Variants in CAMK2G observed in about 807,000 individuals in gnomAD.
CAMK2G encodes the protein calcium/calmodulin-dependent protein kinase type II subunit gamma.
In CAMK2G, 23 loss-of-function variants were observed where a neutral mutation model predicts 88.7. The ratio of observed to expected loss-of-function variants is 0.26; its 90% CI spans 0.19 to 0.37. The LOEUF is 0.37. Ranked by LOEUF, CAMK2G falls within the 10% of genes least tolerant of loss-of-function variation. CAMK2G has a pLI of 1.00. For synonymous variants in CAMK2G, 263 were observed against 294.8 expected, an observed-to-expected ratio of 0.89 and a Z score of 1.11; for missense variants, 476 against 780.8, an observed-to-expected ratio of 0.61 and a Z score of 4.65.
intron 14 of CAMK2G, among the ~76,000 whole-genome samples, chr10:73,834,197 C>T (rs184264886): frequency 1.8e-3 from 270 of 151,966 alleles, no homozygotes; most frequent in African/African-American, 6.2e-3. Context: ...GGATTACAGG[C>T]GTGAGCCACC....
intron 2 of CAMK2G, among the ~76,000 whole-genome samples, chr10:73,861,253 C>G (rs1220376072): frequency 1.3e-5 from 2 of 152,330 alleles, no homozygotes; most frequent in East Asian, 1.9e-4. Flanking sequence ...TTGCACACTT[C>G]GAGCCAGTGA....
rs2093364009 is a variant in CAMK2G, at chr10:73,837,531, T to TA, written c.1010-21dup. Reference sequence around the variant, plus strand: ...TGGCAGCTGTGAAAACAAAGAGGAATATCAAGTCTCCTGCATTGTACCCTC... The same window carrying TA: ...TGGCAGCTGTGAAAACAAAGAGGAATAATCAAGTCTCCTGCATTGTACCCTC... On this transcript the variant is annotated intron_variant, in intron 13 of 22. Coordinates refer to ENST00000423381, the MANE Select transcript of CAMK2G (RefSeq NM_001367534.1). 5.6e-6 allele frequency: 9 copies of TA among 1,606,250 alleles called. No individual in the cohort carries two copies. The highest frequency in any genetic ancestry group is 7.7e-6 in the Non-Finnish European group (9 of 1,172,960).
In CAMK2G at chr10:73,814,475, T is replaced by C. The variant is rs1304239970; in HGVS notation, c.*43A>G. 3 of 153,916 alleles carry C rather than the reference T, an allele frequency of 1.9e-5. No individual in the cohort carries two copies. The highest frequency in any genetic ancestry group is 7.2e-5 in the African/African-American group (3 of 41,380). The allele number at this position is 153,916 out of a possible 1,614,324, so 9.5% of individuals were successfully genotyped here. On this transcript the variant is annotated 3_prime_UTR_variant, in exon 23 of 23. Coordinates refer to ENST00000423381, the MANE Select transcript of CAMK2G (RefSeq NM_001367534.1). ...CCTCCAGAGCCACTGGCTGCGAAGG[T>C]TGGACCTCCGGCTGGAATCTCCTAA...
At chr10:73,824,194 G>C (rs2090137946) in intron 16 of CAMK2G, 110 bp from the exon 17 acceptor site, 2 of 757,212 alleles carry the variant, frequency 2.6e-6, no homozygotes, top group Admixed American at 4.0e-5. Flanking sequence ...GATGACCACT[G>C]AGGCCTGCCC....
At position 73,832,967 on chromosome 10, in the gene CAMK2G, C is replaced by CT. The variant is rs755852421; in HGVS notation, c.1053+4500dup. Among the ~76,000 whole-genome samples, 368 of 96,234 alleles carry CT rather than the reference C, an allele frequency of 3.8e-3. 1 individual carries two copies. Among genetic ancestry groups the CT allele is most frequent in the Middle Eastern group, 0.017 (4 of 238 alleles). 63.1% of individuals were successfully genotyped at this position (96,234 alleles called of 152,430 possible). A position where few individuals can be genotyped will look rare whatever the true frequency, so the allele number is the denominator to read the frequency against. On this transcript the variant is annotated intron_variant, in intron 14 of 22. Transcript: ENST00000423381. ...CTCCAATCTTTTTTTTCTTCTCTCTCTTTTTTTTTTTTTTTTAAACAGAGC... is the reference window on the plus strand; with the variant it reads ...CTCCAATCTTTTTTTTCTTCTCTCTCTTTTTTTTTTTTTTTTTAAACAGAGC...
chr10:73,871,917 A>G (rs1013733861), intron 2 of CAMK2G, among the ~76,000 whole-genome samples: 7 of 152,138 alleles, frequency 4.6e-5, no homozygotes, highest in Non-Finnish European at 8.8e-5. Context: ...TGGGACATCT[A>G]TTATGTCTCT....
At position 73,842,838 on chromosome 10, in the gene CAMK2G, C is replaced by A. The variant is rs1487392778; in HGVS notation, c.820-297G>T. Among the ~76,000 whole-genome samples, 1 of 152,142 alleles carries A rather than the reference C, an allele frequency of 6.6e-6. No homozygotes were observed. Among genetic ancestry groups the A allele is most frequent in the Non-Finnish European group, 1.5e-5 (1 of 68,014 alleles). ...AGAGGCTACCGAACAGGAGAGTACCCTGGGGGCTGTGATCCTCATTCAGTC... is the reference window on the plus strand; with the variant it reads ...AGAGGCTACCGAACAGGAGAGTACCATGGGGGCTGTGATCCTCATTCAGTC... On this transcript the variant is annotated intron_variant, in intron 10 of 22. Transcript: ENST00000423381. This position sits in a 1 kb window ranked among gnomAD's most constrained non-coding sequence, Gnocchi z 4.6.
intron 19 of CAMK2G, 164 bp from the exon 20 acceptor site, chr10:73,817,718 C>T (rs907697616): frequency 1.3e-5 from 8 of 621,426 alleles, no homozygotes; most frequent in Middle Eastern, 3.7e-4. Flanking sequence ...CCTTCCCTCC[C>T]GTCTCCCTCT....
intron 16 of CAMK2G, among the ~76,000 whole-genome samples, chr10:73,824,456 C>T (rs2090231070): frequency 6.6e-6 from 1 of 152,202 alleles, no homozygotes; most frequent in African/African-American, 2.4e-5. Flanking sequence ...CCGGGCCCCG[C>T]CCACAGCGTT....
chr10:73,818,635 G>T, intron 19 of CAMK2G: 4 of 451,332 alleles, frequency 8.9e-6, no homozygotes, highest in South Asian at 6.2e-5. Context: ...CCAGGAGGGG[G>T]CCCCACAGCC....
At chr10:73,816,024 C>G in intron 21 of CAMK2G, 1 of 985,256 alleles carries the variant, frequency 1.0e-6, no homozygotes, top group Non-Finnish European at 1.2e-6. Flanking sequence ...ATATATGTAG[C>G]TGAGATGTGA....
intron 14 of CAMK2G, among the ~76,000 whole-genome samples, chr10:73,832,585 G>A (rs1364431087): frequency 1.3e-5 from 2 of 152,024 alleles, no homozygotes; most frequent in South Asian, 2.1e-4. Context: ...GATTACAGGC[G>A]TGAGCCACCG....
Position 73,842,076 on chromosome 10 carries a change from G to T in CAMK2G, c.946+93C>A, listed in dbSNP as rs868269876. Reference sequence around the variant, plus strand: ...CCCTGGTCAAGGTGTGGCCCAGGACGCCGAGGAAACCCAGCGGTGCCCGGG... The same window carrying T: ...CCCTGGTCAAGGTGTGGCCCAGGACTCCGAGGAAACCCAGCGGTGCCCGGG... On this transcript the variant is annotated intron_variant, in intron 12 of 22. Coordinates refer to ENST00000423381, the MANE Select transcript of CAMK2G (RefSeq NM_001367534.1). This position sits in a 1 kb window ranked among gnomAD's most constrained non-coding sequence, Gnocchi z 4.6. The T allele has an allele frequency of 2.1e-6, 2 of 972,158 alleles. No individual in the cohort carries two copies. Among genetic ancestry groups the T allele is most frequent in the Non-Finnish European group, 1.7e-6 (1 of 595,734 alleles). 60.2% of individuals were successfully genotyped at this position (972,158 alleles called of 1,614,324 possible). A position where few individuals can be genotyped will look rare whatever the true frequency, so the allele number is the denominator to read the frequency against.
At chr10:73,817,662 T>C (rs2086143869) in intron 19 of CAMK2G, 108 bp from the exon 20 acceptor site, 1 of 747,656 alleles carries the variant, frequency 1.3e-6, no homozygotes. Context: ...GACAAAGACA[T>C]CCCTCTTCTC....
chr10:73,816,846 T>TC, intron 21 of CAMK2G, 177 bp downstream of exon 21: 3 of 1,581,162 alleles, frequency 1.9e-6, no homozygotes, highest in Non-Finnish European at 2.6e-6. Context: ...AGCAGGGCCT[T>TC]CAAAGGTGCC....
intron 15 of CAMK2G, among the ~76,000 whole-genome samples, chr10:73,827,185 C>T (rs968511243): frequency 6.6e-6 from 1 of 152,216 alleles, no homozygotes; most frequent in African/African-American, 2.4e-5. Flanking sequence ...GTGGCCCCAC[C>T]TCTGGTTTAT....
intron 14 of CAMK2G, among the ~76,000 whole-genome samples, chr10:73,833,455 CACTA>C (rs1460435728): frequency 2.0e-5 from 3 of 152,168 alleles, no homozygotes; most frequent in African/African-American, 4.8e-5. Context: ...TCACTACCAT[CACTA>C]ACTAGAGTCC....
chr10:73,825,356 A>G lies in CAMK2G; in HGVS notation c.1087-9T>C, dbSNP rs1477077469. The G allele has an allele frequency of 6.2e-7, 1 of 1,612,016 alleles. No homozygotes were observed. The stretch of plus-strand genomic sequence containing the variant: ...TTGTTGTTGCTCTGTGGCTGAGACA[A>G]GAAAACAGATGGTTTAGTTCCTCCA... On this transcript the variant is annotated splice_polypyrimidine_tract_variant and intron_variant, in intron 15 of 22. Transcript: ENST00000423381.
rs1458257825 is a variant in CAMK2G at position 73,820,490 on chromosome 10, A to ATTTTT, written c.1250-846_1250-845insAAAAA. Among the ~76,000 whole-genome samples, 66 of 53,142 alleles carry ATTTTT rather than the reference A, an allele frequency of 1.2e-3. 1 individual carries two copies. The highest frequency in any genetic ancestry group is 1.6e-3 in the Non-Finnish European group (53 of 33,702). The allele number at this position is 53,142 out of a possible 152,430, so 34.9% of individuals were successfully genotyped here. ...TATATATATATATATATATATATAT[A>ATTTTT]TATTTTTTTTTTTTTTTTTTTCTTG... On this transcript the variant is annotated intron_variant, in intron 18 of 22. Coordinates refer to ENST00000423381, the MANE Select transcript of CAMK2G (RefSeq NM_001367534.1).
Sources: gnomAD v4.1 joint callset for allele counts (sites outside exome capture counted in the v4.1 genomes callset) on GRCh38, gnomAD v4.1.1 for gene constraint, Gnocchi (gnomAD v3.1) non-coding constraint, MANE v1.5 for transcripts, NCBI Gene and HGNC (gene_info 2026-07-23, HGNC 2026-07-21) for gene names.